Variants in CAMK2B observed in about 807,000 individuals in gnomAD.
The protein encoded by CAMK2B is calcium/calmodulin dependent protein kinase II beta, also known as calcium/calmodulin-dependent protein kinase type II subunit beta.
Under a neutral mutation model 93.7 loss-of-function variants are expected in CAMK2B, and 27 were observed. The observed-to-expected ratio is 0.29, with a 90% CI of 0.21 to 0.40. The LOEUF is 0.40. Among genes scored for constraint, CAMK2B ranks in the 10% least tolerant of loss-of-function variants. CAMK2B has a pLI of 1.00. For synonymous variants in CAMK2B, 374 were observed against 358.8 expected (o/e 1.04, Z -0.48); for missense variants, 568 against 895.8 (o/e 0.63, Z 4.67).
intron 21 of CAMK2B, 47 bp downstream of exon 21, chr7:44,220,779 C>T (rs997486179): frequency 8.3e-6 from 13 of 1,559,892 alleles, no homozygotes; most frequent in Non-Finnish European, 1.1e-5. Context: ...CCCCAAGGGT[C>T]CCACATCCTT....
intron 2 of CAMK2B, among the ~76,000 whole-genome samples, chr7:44,265,069 C>T (rs1292873104): frequency 6.6e-6 from 1 of 152,142 alleles, no homozygotes; most frequent in African/African-American, 2.4e-5. Flanking sequence ...GTTTTCTTTC[C>T]TAGTATCTTT....
At chr7:44,285,155 G>A (rs1160432106) in intron 1 of CAMK2B, among the ~76,000 whole-genome samples, 2 of 152,368 alleles carry the variant, frequency 1.3e-5, no homozygotes, top group South Asian at 4.1e-4. Context: ...GGCAGGAGGG[G>A]AGGGGGCCGG....
intron 5 of CAMK2B, 27 bp downstream of exon 5, chr7:44,254,515 A>AGGACAGCG: frequency 1.3e-6 from 2 of 1,564,044 alleles, no homozygotes; most frequent in Non-Finnish European, 1.8e-6. Flanking sequence ...GAAGAGGGAC[A>AGGACAGCG]GGACAGCGTG....
intron 2 of CAMK2B, among the ~76,000 whole-genome samples, chr7:44,275,664 G>A (rs2097028243): frequency 6.6e-6 from 1 of 152,232 alleles, no homozygotes; most frequent in Non-Finnish European, 1.5e-5. Flanking sequence ...GACACACAGT[G>A]CTTATTTTAC....
At chr7:44,243,638 G>C (rs2096703329) in intron 6 of CAMK2B, 111 bp from the exon 7 acceptor site, 2 of 803,824 alleles carry the variant, frequency 2.5e-6, no homozygotes, top group Non-Finnish European at 4.1e-6. Flanking sequence ...CAAGAGACAG[G>C]TGCACAGGTC....
In CAMK2B at chr7:44,276,426, AC is replaced by A. The variant is rs958328216; in HGVS notation, c.160+7704del. Among the ~76,000 whole-genome samples the A allele has an allele frequency of 4.6e-5, 7 of 151,788 alleles. No individual in the cohort carries two copies. In the East Asian group the frequency reaches 9.7e-4, roughly 21 times the overall value. On this transcript the variant is annotated intron_variant, in intron 2 of 23. Coordinates refer to ENST00000395749, the MANE Select transcript of CAMK2B (RefSeq NM_001220.5). Reference sequence around the variant, plus strand: ...GCAGTAGGAAAGCCCCGGAGGCAGCACCCCCCCGCCACCCACTGCACAAAGG... The same window carrying A: ...GCAGTAGGAAAGCCCCGGAGGCAGCACCCCCCGCCACCCACTGCACAAAGG...
chr7:44,308,449 C>A (rs1220254402), intron 1 of CAMK2B, among the ~76,000 whole-genome samples: 1 of 152,004 alleles, frequency 6.6e-6, no homozygotes, highest in African/African-American at 2.4e-5. Flanking sequence ...CTGCCCCCGG[C>A]TCGCATCCCA....
chr7:44,301,709 G>A (rs991414854), intron 1 of CAMK2B, among the ~76,000 whole-genome samples: 13 of 151,838 alleles, frequency 8.6e-5, no homozygotes, highest in South Asian at 2.1e-4. Context: ...CCAGGAAGTC[G>A]GAGGTTGCAG....
Position 44,225,839 on chromosome 7 carries a change from C to G in CAMK2B, c.1597+677G>C. The G allele has an allele frequency of 7.8e-7, 1 of 1,289,334 alleles. No homozygotes were observed. Among genetic ancestry groups the G allele is most frequent in the Non-Finnish European group, 1.0e-6 (1 of 988,656 alleles). The allele number at this position is 1,289,334 out of a possible 1,614,324, so 79.9% of individuals were successfully genotyped here. A position where few individuals can be genotyped will look rare whatever the true frequency, so the allele number is the denominator to read the frequency against. Reference sequence around the variant, plus strand: ...AGAGTATCTCCACACCACCCCCAGTCTGGTGTCTCCCCACAGGTGGGGGTG... The same window carrying G: ...AGAGTATCTCCACACCACCCCCAGTGTGGTGTCTCCCCACAGGTGGGGGTG... On this transcript the variant is annotated intron_variant, in intron 20 of 23. Coordinates refer to ENST00000395749, the MANE Select transcript of CAMK2B (RefSeq NM_001220.5). This position sits in a 1 kb window ranked among gnomAD's most constrained non-coding sequence, Gnocchi z 5.0.
At chr7:44,247,079 C>T (rs372263143) in intron 6 of CAMK2B, 41 bp downstream of exon 6, 85 of 1,520,470 alleles carry the variant, frequency 5.6e-5, no homozygotes, top group Admixed American at 2.7e-4. Flanking sequence ...CATGCAGGTA[C>T]AGACAACAGA....
At chr7:44,226,690 G>A (rs764608637) in intron 19 of CAMK2B, 46 bp from the exon 20 acceptor site, 12 of 1,440,740 alleles carry the variant, frequency 8.3e-6, no homozygotes, top group Admixed American at 5.6e-5. Context: ...GGCACGGGGG[G>A]CACGCAGGAG....
intron 5 of CAMK2B, among the ~76,000 whole-genome samples, chr7:44,247,433 T>G (rs1028701552): frequency 2.6e-5 from 4 of 152,156 alleles, no homozygotes; most frequent in African/African-American, 9.7e-5. Context: ...AGGGCATGGC[T>G]AGGCACACAG....
chr7:44,240,635 G>C, intron 12 of CAMK2B, 72 bp downstream of exon 12: 1 of 1,534,590 alleles, frequency 6.5e-7, no homozygotes, highest in Non-Finnish European at 9.0e-7. Flanking sequence ...GGCTGGTGAG[G>C]AAGGAGGCGC....
chr7:44,295,770 G>A (rs961351473), intron 1 of CAMK2B, among the ~76,000 whole-genome samples: 1 of 152,152 alleles, frequency 6.6e-6, no homozygotes, highest in Non-Finnish European at 1.5e-5. Flanking sequence ...TCTTACTACA[G>A]CCCAACCTGC....
intron 12 of CAMK2B, among the ~76,000 whole-genome samples, chr7:44,240,105 C>G (rs573859312): frequency 6.6e-6 from 1 of 152,040 alleles, no homozygotes; most frequent in African/African-American, 2.4e-5. Flanking sequence ...GCCACAGGTA[C>G]AGCTTGTCCA....
chr7:44,246,329 G>A (rs1273538166), intron 6 of CAMK2B, among the ~76,000 whole-genome samples: 1 of 152,032 alleles, frequency 6.6e-6, no homozygotes, highest in African/African-American at 2.4e-5. Context: ...GCTGATTTCT[G>A]AAGACTAACC....
At chr7:44,262,037 G>T (rs2096883099) in intron 3 of CAMK2B, among the ~76,000 whole-genome samples, 1 of 152,216 alleles carries the variant, frequency 6.6e-6, no homozygotes, top group Non-Finnish European at 1.5e-5. Flanking sequence ...GGTCCAATGG[G>T]GCACCTGCCC....
intron 4 of CAMK2B, among the ~76,000 whole-genome samples, chr7:44,255,644 C>A (rs2096827586): frequency 6.6e-6 from 1 of 152,182 alleles, no homozygotes; most frequent in Non-Finnish European, 1.5e-5. Context: ...ATCTGCCTGG[C>A]AGTTTTCCCC....
chr7:44,317,391 C>T (rs967137244), intron 1 of CAMK2B, among the ~76,000 whole-genome samples: 2 of 151,984 alleles, frequency 1.3e-5, no homozygotes, highest in East Asian at 3.9e-4. Context: ...GATTTCAAGA[C>T]GTAGTACAAA....
Sources: gnomAD v4.1 joint callset for allele counts (sites outside exome capture counted in the v4.1 genomes callset) on GRCh38, gnomAD v4.1.1 for gene constraint, Gnocchi (gnomAD v3.1) non-coding constraint, MANE v1.5 for transcripts, NCBI Gene and HGNC (gene_info 2026-07-23, HGNC 2026-07-21) for gene names.